The following ATG10 variants were observed in gnomAD, a reference collection of about 807,000 sequenced individuals.
The protein encoded by ATG10 is autophagy related 10.
In ATG10, 30 loss-of-function variants were observed where a neutral mutation model predicts 32.1. The observed-to-expected ratio is 0.94, with a 90% CI of 0.70 to 1.27. ATG10 has a LOEUF of 1.27. Ranked by LOEUF, ATG10 falls within the 50% of genes most tolerant of loss-of-function variation. ATG10 has a pLI of 0.00. For missense variants in ATG10, 233 were observed against 262.3 expected (o/e 0.89, Z 0.77); for synonymous variants, 87 against 91.5 (o/e 0.95, Z 0.28).
At chr5:82,104,805 A>G (rs1428049656) in intron 3 of ATG10, among the ~76,000 whole-genome samples, 1 of 152,178 alleles carries the variant, frequency 6.6e-6, no homozygotes, top group Non-Finnish European at 1.5e-5. Flanking sequence ...ATGAGATTAT[A>G]TTGAATTGTC....
chr5:82,240,474 T>C (rs1269746726), intron 5 of ATG10, among the ~76,000 whole-genome samples: 2 of 152,110 alleles, frequency 1.3e-5, no homozygotes, highest in East Asian at 1.9e-4. Flanking sequence ...ATTGATCTCA[T>C]GGAGGAAGTG....
intron 4 of ATG10, among the ~76,000 whole-genome samples, chr5:82,176,768 G>T (rs1446327645): frequency 2.2e-4 from 33 of 152,070 alleles, no homozygotes; most frequent in Middle Eastern, 3.2e-3. Flanking sequence ...ATGTTAATTG[G>T]ATGAATAAAT....
At chr5:82,102,725 C>G (rs558025102) in intron 3 of ATG10, among the ~76,000 whole-genome samples, 2 of 152,094 alleles carry the variant, frequency 1.3e-5, no homozygotes, top group Non-Finnish European at 2.9e-5. Context: ...TGCTTTTGAC[C>G]ATCCTTCTCA....
chr5:82,134,867 G>A (rs1377506245), intron 3 of ATG10, among the ~76,000 whole-genome samples: 1 of 118,740 alleles, frequency 8.4e-6, no homozygotes, highest in African/African-American at 3.6e-5. Context: ...GCTTTTTTTG[G>A]TTGATAGGCT....
At chr5:82,169,857 G>C (rs914305101) in intron 4 of ATG10, among the ~76,000 whole-genome samples, 1 of 152,202 alleles carries the variant, frequency 6.6e-6, no homozygotes, top group Non-Finnish European at 1.5e-5. Context: ...CCAAATAACA[G>C]AGGAAATCTA....
At chr5:82,047,326 A>C (rs989091169) in intron 2 of ATG10, among the ~76,000 whole-genome samples, 1 of 152,236 alleles carries the variant, frequency 6.6e-6, no homozygotes, top group Non-Finnish European at 1.5e-5. Context: ...ACCCGACAAC[A>C]AACTATTATT....
chr5:82,031,424 C>CT (rs1287023916), intron 2 of ATG10, among the ~76,000 whole-genome samples: 2 of 152,100 alleles, frequency 1.3e-5, no homozygotes, highest in Non-Finnish European at 1.5e-5. Context: ...AGAAGGGTAA[C>CT]TGTAGGATGT....
At chr5:82,069,331 C>A (rs1764049004) in intron 3 of ATG10, among the ~76,000 whole-genome samples, 1 of 151,956 alleles carries the variant, frequency 6.6e-6, no homozygotes, top group South Asian at 2.1e-4. Flanking sequence ...TAAAGACTAA[C>A]CATTGCATAG....
At chr5:82,056,728 A>G (rs956582187) in intron 2 of ATG10, among the ~76,000 whole-genome samples, 24 of 152,260 alleles carry the variant, frequency 1.6e-4, no homozygotes, top group African/African-American at 5.3e-4. Context: ...ACAGTAGCCA[A>G]TGCTCCTCTA....
At chr5:82,149,324 A>T (rs548902720) in intron 3 of ATG10, among the ~76,000 whole-genome samples, 5 of 151,418 alleles carry the variant, frequency 3.3e-5, no homozygotes, top group Non-Finnish European at 7.4e-5. Context: ...TCACTTCCCT[A>T]TTCCCTTACT....
chr5:82,243,558 G>A (rs1412970088), intron 5 of ATG10, among the ~76,000 whole-genome samples: 3 of 151,962 alleles, frequency 2.0e-5, no homozygotes, highest in African/African-American at 7.2e-5. Context: ...TTGGCAGAAA[G>A]CATATTAGTG....
intron 3 of ATG10, among the ~76,000 whole-genome samples, chr5:82,083,589 C>T (rs1426573958): frequency 6.6e-6 from 1 of 152,138 alleles, no homozygotes; most frequent in Non-Finnish European, 1.5e-5. Flanking sequence ...CCAGTAGGGG[C>T]CAACTGACCC....
intron 5 of ATG10, among the ~76,000 whole-genome samples, chr5:82,217,760 C>T (rs1745744854): frequency 6.6e-6 from 1 of 151,484 alleles, no homozygotes; most frequent in Non-Finnish European, 1.5e-5. Flanking sequence ...ACTGCTTGAG[C>T]CCAGGAATTT....
intron 3 of ATG10, among the ~76,000 whole-genome samples, chr5:82,133,185 T>C (rs1766609645): frequency 6.6e-6 from 1 of 152,164 alleles, no homozygotes; most frequent in Non-Finnish European, 1.5e-5. Flanking sequence ...ATTCTGTAGG[T>C]TGCTTGTTCA....
intron 3 of ATG10, among the ~76,000 whole-genome samples, chr5:82,118,855 G>A (rs1238924440): frequency 1.3e-5 from 2 of 152,140 alleles, no homozygotes; most frequent in Non-Finnish European, 2.9e-5. Context: ...CAAAGCAACT[G>A]AGAAGGATGC....
rs561261869 is a variant in ATG10 at position 82,084,606 on chromosome 5, G to C, written c.216+26004G>C. Among the ~76,000 whole-genome samples the C allele has an allele frequency of 5.9e-5, 9 of 152,320 alleles. No individual in the cohort carries two copies. The East Asian group carries it at 1.7e-3, about 29-fold the overall frequency. On this transcript the variant is annotated intron_variant, in intron 3 of 7. Transcript: ENST00000282185. The stretch of plus-strand genomic sequence containing the variant: ...AGAAAGGTCGGGTTACCCACAAAGG[G>C]AAGCCCATCAGACTAACAGCGGATC...
At chr5:82,063,717 C>G (rs1331514605) in intron 3 of ATG10, among the ~76,000 whole-genome samples, 1 of 152,064 alleles carries the variant, frequency 6.6e-6, no homozygotes, top group Admixed American at 6.5e-5. Flanking sequence ...GTCTCGAACT[C>G]CTGATCTGAG....
intron 5 of ATG10, among the ~76,000 whole-genome samples, chr5:82,207,164 G>T (rs1353650130): frequency 6.6e-6 from 1 of 151,998 alleles, no homozygotes; most frequent in Non-Finnish European, 1.5e-5. Flanking sequence ...TTTCTATTGG[G>T]TATATATCAA....
intron 2 of ATG10, among the ~76,000 whole-genome samples, chr5:82,013,583 C>T (rs575475810): frequency 3.5e-4 from 53 of 152,278 alleles, no homozygotes; most frequent in African/African-American, 1.0e-3. Context: ...AATCCCCACA[C>T]GTTTTCCATA....
Sources: allele counts gnomAD v4.1 joint callset (sites outside exome capture counted in the v4.1 genomes callset), GRCh38; gene constraint gnomAD v4.1.1; transcripts MANE v1.5; gene names NCBI Gene and HGNC (gene_info 2026-07-23, HGNC 2026-07-21).